Variants in DENND2B observed in about 807,000 individuals in gnomAD.
DENND2B encodes DENN domain-containing protein 2B.
DENND2B carries 32 observed loss-of-function variants against 116.0 expected under a neutral mutation model. The ratio of observed to expected loss-of-function variants is 0.28; its 90% CI spans 0.21 to 0.37. The LOEUF (loss-of-function observed/expected upper bound fraction) is 0.37. Ranked by LOEUF, DENND2B falls within the 10% of genes least tolerant of loss-of-function variation. The pLI is 1.00. For missense variants in DENND2B, 1,276 were observed against 1,477.7 expected, an observed-to-expected ratio of 0.86 and a Z score of 2.24; for synonymous variants, 588 against 583.9, an observed-to-expected ratio of 1.01 and a Z score of -0.10.
chr11:8,775,373 G>A (rs2057484550), intron 1 of DENND2B, among the ~76,000 whole-genome samples: 1 of 152,170 alleles, frequency 6.6e-6, no homozygotes, highest in Non-Finnish European at 1.5e-5. Flanking sequence ...CCAAATAAGG[G>A]AGCAGTCAGT....
intron 2 of DENND2B, among the ~76,000 whole-genome samples, chr11:8,868,190 G>A (rs1024610728): frequency 2.6e-5 from 4 of 152,142 alleles, no homozygotes; most frequent in Admixed American, 6.5e-5. Context: ...CAAGCTACTC[G>A]CTGCAGGGTA....
chr11:8,740,022 C>T (rs2049911011), intron 2 of DENND2B, among the ~76,000 whole-genome samples: 1 of 147,856 alleles, frequency 6.8e-6, no homozygotes, highest in Non-Finnish European at 1.5e-5. Flanking sequence ...TCTATCTCTA[C>T]AAAAAAAAAA....
chr11:8,804,378 G>A (rs2060635785), intron 1 of DENND2B, among the ~76,000 whole-genome samples: 1 of 152,022 alleles, frequency 6.6e-6, no homozygotes, highest in Non-Finnish European at 1.5e-5. Context: ...ATGGGGAGCT[G>A]TCTGTCAAGT....
At chr11:8,720,860 G>A (rs1565718624) in intron 4 of DENND2B, among the ~76,000 whole-genome samples, 2 of 152,194 alleles carry the variant, frequency 1.3e-5, no homozygotes, top group Admixed American at 1.3e-4. Flanking sequence ...GGTAGGCTGG[G>A]AAATGGTGTG....
chr11:8,901,229 C>CTTTTTTTTTTTTTTTTTTTTTT (rs1555223231), intron 1 of DENND2B, among the ~76,000 whole-genome samples: 3 of 83,918 alleles, frequency 3.6e-5, no homozygotes, highest in African/African-American at 9.6e-5. Flanking sequence ...CTTTTCTTTT[C>CTTTTTTTTTTTTTTTTTTTTTT]TTTTTTTTTT....
intron 1 of DENND2B, among the ~76,000 whole-genome samples, chr11:8,800,550 C>T (rs2060225743): frequency 6.6e-6 from 1 of 152,164 alleles, no homozygotes; most frequent in Non-Finnish European, 1.5e-5. Context: ...CAAAAATAAC[C>T]TTACATTGTA....
chr11:8,731,241 AG>A (rs1297481087), intron 2 of DENND2B, 32 bp from the exon 3 acceptor site: 1 of 1,452,988 alleles, frequency 6.9e-7, no homozygotes, highest in African/African-American at 1.4e-5. Flanking sequence ...GGAAAAGAAA[AG>A]AAAATGGCAG....
intron 2 of DENND2B, among the ~76,000 whole-genome samples, chr11:8,869,799 CTCT>C (rs2063713978): frequency 6.6e-6 from 1 of 152,206 alleles, no homozygotes; most frequent in Non-Finnish European, 1.5e-5. Context: ...ATTCAACAGG[CTCT>C]TCTTGAGTTC....
At chr11:8,716,412 G>A (rs894287252) in intron 5 of DENND2B, among the ~76,000 whole-genome samples, 26 of 152,166 alleles carry the variant, frequency 1.7e-4, no homozygotes, top group Non-Finnish European at 3.7e-4. Flanking sequence ...TCTACTCTCT[G>A]CCTCTCTCCA....
intron 1 of DENND2B, among the ~76,000 whole-genome samples, chr11:8,801,220 T>C (rs946811295): frequency 6.6e-6 from 1 of 151,802 alleles, no homozygotes. Flanking sequence ...CCCCTTCTGG[T>C]TTATAATTTC....
At chr11:8,787,239 A>G (rs971797830) in intron 1 of DENND2B, 1 of 152,238 alleles carries the variant, frequency 6.6e-6, no homozygotes, top group African/African-American at 2.4e-5. Context: ...TGAAGAAACA[A>G]TGTATATGAA....
At chr11:8,854,974 C>T (rs1417956421) in intron 3 of DENND2B, among the ~76,000 whole-genome samples, 1 of 151,894 alleles carries the variant, frequency 6.6e-6, no homozygotes, top group Admixed American at 6.6e-5. Context: ...GGCTTCTCTA[C>T]AAAAAAATTT....
chr11:8,833,307 A>T (rs1210500903), intron 4 of DENND2B, among the ~76,000 whole-genome samples: 1 of 152,236 alleles, frequency 6.6e-6, no homozygotes, highest in Non-Finnish European at 1.5e-5. Flanking sequence ...GTTATTAAAG[A>T]TGCCTTCCTG....
At chr11:8,870,551 G>A (rs1594317561) in intron 2 of DENND2B, among the ~76,000 whole-genome samples, 1 of 152,110 alleles carries the variant, frequency 6.6e-6, no homozygotes, top group East Asian at 1.9e-4. Context: ...GTTCTTCAAG[G>A]AGCCTGCATA....
At chr11:8,901,229 C>CTT (rs1555223231) in intron 1 of DENND2B, among the ~76,000 whole-genome samples, 1,058 of 83,940 alleles carry the variant, frequency 0.013, 23 homozygotes, top group African/African-American at 0.018. Flanking sequence ...CTTTTCTTTT[C>CTT]TTTTTTTTTT....
chr11:8,761,554 A>T (rs973850333), intron 1 of DENND2B, among the ~76,000 whole-genome samples: 3 of 152,196 alleles, frequency 2.0e-5, no homozygotes, highest in African/African-American at 7.2e-5. Flanking sequence ...AGGAATGTTC[A>T]TGCCGCCAAG....
At chr11:8,796,802 G>A (rs552096536) in intron 1 of DENND2B, among the ~76,000 whole-genome samples, 1 of 152,192 alleles carries the variant, frequency 6.6e-6, no homozygotes, top group Non-Finnish European at 1.5e-5. Flanking sequence ...GGAGCGTTAA[G>A]GAGAAAGGCC....
At chr11:8,904,516 A>G (rs1461674991) in intron 1 of DENND2B, among the ~76,000 whole-genome samples, 1 of 152,228 alleles carries the variant, frequency 6.6e-6, no homozygotes, top group East Asian at 1.9e-4. Context: ...AATTGGGAAC[A>G]AGGCAAAGAT....
At chr11:8,714,568 A>C in intron 7 of DENND2B, 42 bp downstream of exon 7, 15 of 1,519,926 alleles carry the variant, frequency 9.9e-6, no homozygotes, top group Admixed American at 1.7e-5. Flanking sequence ...CTAATGCCCA[A>C]GGGCCCCAAA....
Sources: allele counts gnomAD v4.1 joint callset (sites outside exome capture counted in the v4.1 genomes callset), GRCh38; gene constraint gnomAD v4.1.1; transcripts MANE v1.5; gene names NCBI Gene and HGNC (gene_info 2026-07-23, HGNC 2026-07-21).